RANBP2: variants seen among roughly 807,000 people sequenced by gnomAD.
RANBP2 encodes the protein RAN binding protein 2, also known as E3 SUMO-protein ligase RanBP2.
Under a neutral mutation model 303.6 loss-of-function variants are expected in RANBP2, and 57 were observed. The observed-to-expected ratio is 0.19, with a 90% CI of 0.15 to 0.23. The LOEUF (loss-of-function observed/expected upper bound fraction) is 0.23. Among genes scored for constraint, RANBP2 ranks in the 10% least tolerant of loss-of-function variants. The pLI, the probability that RANBP2 is intolerant of heterozygous loss-of-function variation, is 1.00. For missense variants in RANBP2, 3,138 were observed against 3,780.8 expected (o/e 0.83, Z 4.46); for synonymous variants, 1,167 against 1,301.5 (o/e 0.90, Z 2.23).
the RANBP2 span, chr2:109,552,422 G>A: frequency 6.6e-6 from 1 of 152,176 alleles, no homozygotes; most frequent in African/African-American, 2.4e-5. Context: ...ATAGCTCATG[G>A]TTAAGATACT....
At chr2:109,372,100 A>C in the RANBP2 span, among the ~76,000 whole-genome samples, 1 of 152,202 alleles carries the variant, frequency 6.6e-6, no homozygotes, top group South Asian at 2.1e-4. Flanking sequence ...CACGGATTGG[A>C]AGGAACCGTT....
At chr2:109,314,830 A>G in the RANBP2 span, among the ~76,000 whole-genome samples, 2 of 152,246 alleles carry the variant, frequency 1.3e-5, no homozygotes, top group Admixed American at 1.3e-4. Context: ...TCTAGTGAAT[A>G]GGAGAATCAG....
At chr2:108,797,709 A>C in the RANBP2 span, among the ~76,000 whole-genome samples, 1 of 152,162 alleles carries the variant, frequency 6.6e-6, no homozygotes, top group Non-Finnish European at 1.5e-5. Context: ...TATGAGAAAG[A>C]GATTGATGTT....
the RANBP2 span, chr2:109,436,912 G>C: frequency 6.2e-7 from 1 of 1,613,536 alleles, no homozygotes; most frequent in South Asian, 1.1e-5. Flanking sequence ...AGGAGGGGCA[G>C]GGCCGCCCCG....
chr2:109,574,501 T>A, the RANBP2 span: 4 of 755,388 alleles, frequency 5.3e-6, no homozygotes, highest in South Asian at 4.7e-5. Flanking sequence ...AGTTACAATA[T>A]ATATCCATAT....
chr2:109,195,340 G>A, the RANBP2 span, among the ~76,000 whole-genome samples: 2 of 152,318 alleles, frequency 1.3e-5, no homozygotes, highest in South Asian at 4.1e-4. Flanking sequence ...GTGACAGCCA[G>A]GACAAGGGGC....
the RANBP2 span, among the ~76,000 whole-genome samples, chr2:109,596,446 T>C: frequency 6.6e-6 from 1 of 151,880 alleles, no homozygotes; most frequent in African/African-American, 2.4e-5. Flanking sequence ...TGAAACCCCG[T>C]CTCTACTAAA....
At chr2:108,759,713 T>A (rs1468924438) in intron 18 of RANBP2, among the ~76,000 whole-genome samples, 2 of 152,178 alleles carry the variant, frequency 1.3e-5, no homozygotes, top group Non-Finnish European at 2.9e-5. Context: ...AACCTTGTTT[T>A]CTTAAAACCT....
the RANBP2 span, chr2:109,614,675 C>A: frequency 3.4e-6 from 5 of 1,485,694 alleles, no homozygotes; most frequent in Non-Finnish European, 4.5e-6. Flanking sequence ...TGGTGAACGC[C>A]GTGGCCACTG....
intron 8 of RANBP2, among the ~76,000 whole-genome samples, chr2:108,747,082 C>A (rs918877017): frequency 2.3e-4 from 35 of 152,134 alleles, no homozygotes; most frequent in African/African-American, 8.2e-4. Context: ...ACTTCCTGAA[C>A]TAAGTATAAT....
the RANBP2 span, among the ~76,000 whole-genome samples, chr2:109,014,166 A>T: frequency 3.7e-4 from 56 of 152,340 alleles, no homozygotes; most frequent in South Asian, 8.3e-4. Context: ...CTAGATAATA[A>T]TGGTCTCCCC....
Position 108,772,502 on chromosome 2 carries a change from A to C in RANBP2, c.8034A>C (p.Glu2678Asp), listed in dbSNP as rs1406253876. The change falls in exon 22 of 29, where the codon GAA becomes GAC. Residue 2678 changes from glutamate to aspartate, a missense_variant. Physicochemically the swap from Glu to Asp is conservative, Grantham distance 45 (BLOSUM62 2). Around this residue, in one of 20 missense-constraint regions of RANBP2, gnomAD observed 497 missense variants for 465.8 expected, o/e 1.07. Coordinates refer to ENST00000283195, the MANE Select transcript of RANBP2 (RefSeq NM_006267.5). ...SEEEEDDEDF[E>D]TAVKKLNGKL... is the part of the protein sequence containing the mutation. ...TTGTATTTTAAGATGAAGATTTCGAAACAGCTGTCAAGAAACTTAATGGAA... is the reference window on the plus strand; with the variant it reads ...TTGTATTTTAAGATGAAGATTTCGACACAGCTGTCAAGAAACTTAATGGAA... The C allele has an allele frequency of 6.2e-7, 1 of 1,613,398 alleles. No individual in the cohort carries two copies. Among genetic ancestry groups the C allele is most frequent in the Non-Finnish European group, 8.5e-7 (1 of 1,179,570 alleles).
chr2:108,960,322 A>G, the RANBP2 span, among the ~76,000 whole-genome samples: 2 of 152,224 alleles, frequency 1.3e-5, no homozygotes, highest in African/African-American at 4.8e-5. Flanking sequence ...GAACAAAAAA[A>G]GTGCTCACTG....
the RANBP2 span, chr2:109,615,543 G>A: frequency 6.2e-7 from 1 of 1,613,976 alleles, no homozygotes; most frequent in Non-Finnish European, 8.5e-7. Flanking sequence ...AGCCATGCAC[G>A]GCCACGTGGA....
intron 18 of RANBP2, among the ~76,000 whole-genome samples, chr2:108,760,888 C>T (rs1676686187): frequency 1.3e-5 from 2 of 152,120 alleles, no homozygotes; most frequent in Admixed American, 1.3e-4. Context: ...TGAACATTCT[C>T]ATAATAGCTT....
intron 24 of RANBP2, 139 bp from the exon 25 acceptor site, chr2:108,776,990 AT>A (rs1386771535): frequency 1.5e-6 from 1 of 681,244 alleles, no homozygotes; most frequent in African/African-American, 1.8e-5. Context: ...AATTGGATGT[AT>A]TTTGTAACTT....
In RANBP2 at chr2:108,764,052, C is replaced by T; in HGVS notation, c.3513C>T (p.His1171=). ...GGGATGATGATGATGACGGTCCTCA[C>T]TTTGAGCCTGTAGTACCTCTTCCTG... is the stretch of plus-strand genomic sequence containing the variant. The part of the protein sequence containing the change: ...AHGDDDDDGP[H]FEPVVPLPDK... The change falls in exon 20 of 29, where the codon CAC becomes CAT. Residue 1171 remains histidine, a synonymous_variant. Coordinates refer to ENST00000283195, the MANE Select transcript of RANBP2 (RefSeq NM_006267.5). 6.2e-7 allele frequency: 1 copy of T among 1,614,062 alleles called. No homozygotes were observed. The highest frequency in any genetic ancestry group is 8.5e-7 in the Non-Finnish European group (1 of 1,179,974).
chr2:109,654,834 T>C, the RANBP2 span, among the ~76,000 whole-genome samples: 3 of 151,994 alleles, frequency 2.0e-5, no homozygotes, highest in African/African-American at 7.2e-5. Flanking sequence ...AGCTGGGTAA[T>C]CCTTGGAATG....
the RANBP2 span, among the ~76,000 whole-genome samples, chr2:109,132,516 C>T: frequency 6.6e-6 from 1 of 152,234 alleles, no homozygotes; most frequent in Non-Finnish European, 1.5e-5. Flanking sequence ...TGAGATAAAG[C>T]GCTTTTGTGG....
Sources: gnomAD v4.1 joint callset for allele counts (sites outside exome capture counted in the v4.1 genomes callset) on GRCh38, gnomAD v4.1.1 for gene constraint, gnomAD v4.1.1 regional missense constraint, MANE v1.5 for transcripts, NCBI Gene and HGNC (gene_info 2026-07-23, HGNC 2026-07-21) for gene names.